The following SLC9A9 variants were observed in gnomAD, a reference collection of about 807,000 sequenced individuals.
SLC9A9 encodes solute carrier family 9 member A9.
A neutral mutation model predicts 77.8 loss-of-function variants in SLC9A9; 62 were observed. The ratio of observed to expected loss-of-function variants is 0.80; its 90% CI spans 0.65 to 0.98. The LOEUF (loss-of-function observed/expected upper bound fraction) is 0.98, where lower values mean the gene tolerates loss of function less well. SLC9A9 is among the 50% of genes least tolerant of loss of function. The pLI, the probability that SLC9A9 is intolerant of heterozygous loss-of-function variation, is 0.00. For missense variants in SLC9A9, 775 were observed against 774.9 expected (o/e 1.00, Z 0.00); for synonymous variants, 320 against 283.5 (o/e 1.13, Z -1.29).
intron 2 of SLC9A9, among the ~76,000 whole-genome samples, chr3:143,802,515 T>C (rs2108864531): frequency 6.6e-6 from 1 of 152,276 alleles, no homozygotes; most frequent in African/African-American, 2.4e-5. Flanking sequence ...TTTCACTGGA[T>C]GGGTAGAGGC....
intron 11 of SLC9A9, among the ~76,000 whole-genome samples, chr3:143,486,378 A>T (rs2035652910): frequency 6.6e-6 from 1 of 152,160 alleles, no homozygotes; most frequent in Non-Finnish European, 1.5e-5. Flanking sequence ...CAGAGAACTC[A>T]GTAAAGGTAA....
chr3:143,741,099 A>G (rs575539774), intron 4 of SLC9A9, among the ~76,000 whole-genome samples: 1 of 152,326 alleles, frequency 6.6e-6, no homozygotes, highest in African/African-American at 2.4e-5. Flanking sequence ...TTTCTTTCCT[A>G]TGTCATCTGA....
At chr3:143,752,018 T>C (rs1186085448) in intron 4 of SLC9A9, among the ~76,000 whole-genome samples, 1 of 152,210 alleles carries the variant, frequency 6.6e-6, no homozygotes, top group African/African-American at 2.4e-5. Context: ...AGAGGACTAC[T>C]GAAATCGCCT....
chr3:143,758,114 T>G (rs985585965), intron 4 of SLC9A9, among the ~76,000 whole-genome samples: 2 of 152,126 alleles, frequency 1.3e-5, no homozygotes, highest in African/African-American at 2.4e-5. Context: ...TAAAATCCCG[T>G]CTTAATGACT....
intron 4 of SLC9A9, among the ~76,000 whole-genome samples, chr3:143,788,581 C>T (rs1179006972): frequency 6.7e-6 from 1 of 149,428 alleles, no homozygotes; most frequent in Non-Finnish European, 1.5e-5. Flanking sequence ...ATCCCAGCTA[C>T]TTGGGAAGCT....
intron 14 of SLC9A9, among the ~76,000 whole-genome samples, chr3:143,321,598 G>A (rs2031422194): frequency 6.6e-6 from 1 of 152,204 alleles, no homozygotes; most frequent in Admixed American, 6.5e-5. Flanking sequence ...TGAAACCACT[G>A]CAGCCTGAGT....
intron 12 of SLC9A9, among the ~76,000 whole-genome samples, chr3:143,453,549 AAAG>A (rs919693691): frequency 7.9e-5 from 12 of 152,194 alleles, no homozygotes; most frequent in Admixed American, 2.6e-4. Context: ...TAACAAATTA[AAAG>A]AAGAAGAAAA....
intron 12 of SLC9A9, among the ~76,000 whole-genome samples, chr3:143,439,134 A>T (rs1458455982): frequency 6.6e-6 from 1 of 152,194 alleles, no homozygotes; most frequent in Non-Finnish European, 1.5e-5. Context: ...TGACAATTCT[A>T]GGCACTTATT....
At chr3:143,799,881 C>T (rs956265456) in intron 2 of SLC9A9, among the ~76,000 whole-genome samples, 4 of 152,210 alleles carry the variant, frequency 2.6e-5, no homozygotes, top group Admixed American at 6.5e-5. Flanking sequence ...ACCCACTCCA[C>T]ATTATCTTCT....
chr3:143,440,131 G>C (rs2034701321), intron 12 of SLC9A9, among the ~76,000 whole-genome samples: 1 of 152,240 alleles, frequency 6.6e-6, no homozygotes, highest in Non-Finnish European at 1.5e-5. Flanking sequence ...AAAACACAAG[G>C]AGCATATGCT....
At chr3:143,652,660 T>G (rs947374210) in intron 5 of SLC9A9, among the ~76,000 whole-genome samples, 1 of 152,054 alleles carries the variant, frequency 6.6e-6, no homozygotes, top group African/African-American at 2.4e-5. Context: ...CACACTGAAC[T>G]TGCCATAATT....
At chr3:143,678,881 A>G (rs958146539) in intron 5 of SLC9A9, among the ~76,000 whole-genome samples, 1 of 152,238 alleles carries the variant, frequency 6.6e-6, no homozygotes, top group African/African-American at 2.4e-5. Flanking sequence ...ATGGTGAACT[A>G]TAATAGCATC....
intron 12 of SLC9A9, 158 bp from the exon 13 acceptor site, chr3:143,382,272 A>G: frequency 2.6e-6 from 2 of 767,394 alleles, no homozygotes; most frequent in Non-Finnish European, 4.5e-6. Flanking sequence ...CCTCAGATTT[A>G]TACCAAAATA....
chr3:143,692,952 T>G (rs1014571052), intron 5 of SLC9A9, among the ~76,000 whole-genome samples: 1 of 152,174 alleles, frequency 6.6e-6, no homozygotes, highest in African/African-American at 2.4e-5. Context: ...TCTAGAGAAA[T>G]AAATTGTAAT....
chr3:143,302,231 C>T (rs1379063589), intron 14 of SLC9A9, among the ~76,000 whole-genome samples: 3 of 152,220 alleles, frequency 2.0e-5, no homozygotes, highest in Admixed American at 2.0e-4. Context: ...GCATCAGCCC[C>T]CATTTCCTCT....
At chr3:143,801,027 T>C (rs1198297138) in intron 2 of SLC9A9, among the ~76,000 whole-genome samples, 1 of 152,216 alleles carries the variant, frequency 6.6e-6, no homozygotes, top group Non-Finnish European at 1.5e-5. Flanking sequence ...TACCTGGTTT[T>C]GCCATCCTAA....
At chr3:143,473,853 G>C (rs2035419035) in intron 11 of SLC9A9, among the ~76,000 whole-genome samples, 1 of 152,112 alleles carries the variant, frequency 6.6e-6, no homozygotes, top group African/African-American at 2.4e-5. Context: ...TCTAGATATG[G>C]GATGGTGATA....
At chr3:143,841,018 G>A (rs1177692487) in intron 1 of SLC9A9, among the ~76,000 whole-genome samples, 4 of 143,752 alleles carry the variant, frequency 2.8e-5, no homozygotes, top group East Asian at 3.9e-4. Context: ...GGCACGGAGC[G>A]AACAGTTAAT....
chr3:143,491,257 A>G (rs141578308), intron 11 of SLC9A9, among the ~76,000 whole-genome samples: 1 of 152,170 alleles, frequency 6.6e-6, no homozygotes, highest in Admixed American at 6.5e-5. Context: ...CATTCTCATG[A>G]ATTAAACTAA....
Sources: gnomAD v4.1 joint callset for allele counts (sites outside exome capture counted in the v4.1 genomes callset) on GRCh38, gnomAD v4.1.1 for gene constraint, MANE v1.5 for transcripts, NCBI Gene and HGNC (gene_info 2026-07-23, HGNC 2026-07-21) for gene names.